LGSN: variants seen among roughly 807,000 people sequenced by gnomAD.
LGSN encodes lengsin, lens protein with glutamine synthetase domain.
LGSN carries 21 observed loss-of-function variants against 19.5 expected under a neutral mutation model. The ratio of observed to expected loss-of-function variants is 1.07; its 90% confidence interval spans 0.76 to 1.55. LGSN has a LOEUF of 1.55. Among genes scored for constraint, LGSN ranks in the 40% most tolerant of loss-of-function variants. The probability of loss-of-function intolerance (pLI) is 0.00; values close to 1 mark genes in which losing one functional copy is unlikely to be tolerated. For missense variants in LGSN, 673 were observed against 608.5 expected, an observed-to-expected ratio of 1.11 and a Z score of -1.12; for synonymous variants, 257 against 215.6, an observed-to-expected ratio of 1.19 and a Z score of -1.68.
At chr6:63,550,739 A>G in the LGSN span, among the ~76,000 whole-genome samples, 1 of 151,052 alleles carries the variant, frequency 6.6e-6, no homozygotes, top group Non-Finnish European at 1.5e-5. Context: ...ATTCTCCCAG[A>G]CCCAGCCTCT....
chr6:63,371,384 T>G, the LGSN span, among the ~76,000 whole-genome samples: 1 of 152,244 alleles, frequency 6.6e-6, no homozygotes, highest in Admixed American at 6.5e-5. Context: ...TGTAAACCAC[T>G]GAAAACGGCA....
At chr6:63,482,527 G>A in the LGSN span, among the ~76,000 whole-genome samples, 1 of 152,148 alleles carries the variant, frequency 6.6e-6, no homozygotes, top group African/African-American at 2.4e-5. Context: ...CCAAGAGTTT[G>A]AGATCAGCCT....
chr6:63,515,758 C>T, the LGSN span, among the ~76,000 whole-genome samples: 8 of 151,474 alleles, frequency 5.3e-5, no homozygotes, highest in Admixed American at 1.3e-4. Flanking sequence ...TAAACAAAAA[C>T]GAACCTAAGG....
chr6:63,453,029 A>G, the LGSN span, among the ~76,000 whole-genome samples: 1 of 152,106 alleles, frequency 6.6e-6, no homozygotes, highest in African/African-American at 2.4e-5. Context: ...AATTTTAACT[A>G]TGGTATCTTC....
the LGSN span, among the ~76,000 whole-genome samples, chr6:63,538,199 A>G: frequency 6.6e-6 from 1 of 152,206 alleles, no homozygotes; most frequent in Non-Finnish European, 1.5e-5. Context: ...TAGGGAAATG[A>G]CAGGTTGTTC....
the LGSN span, among the ~76,000 whole-genome samples, chr6:63,510,668 T>C: frequency 3.9e-4 from 17 of 43,566 alleles, no homozygotes; most frequent in African/African-American, 1.8e-3. Context: ...GAATTTTTTT[T>C]TTTTTTTTTT....
chr6:63,548,221 C>T, the LGSN span, among the ~76,000 whole-genome samples: 3 of 152,252 alleles, frequency 2.0e-5, no homozygotes, highest in Non-Finnish European at 4.4e-5. Context: ...TGTTATTTAT[C>T]TGTTATAATC....
chr6:63,473,231 G>A, the LGSN span, among the ~76,000 whole-genome samples: 2 of 151,886 alleles, frequency 1.3e-5, no homozygotes, highest in African/African-American at 2.4e-5. Context: ...CCAGCACTTT[G>A]GGAGACTGAG....
the LGSN span, among the ~76,000 whole-genome samples, chr6:63,404,074 T>C: frequency 6.6e-6 from 1 of 152,254 alleles, no homozygotes; most frequent in South Asian, 2.1e-4. Context: ...GAGGAATATA[T>C]TTCCCTGATG....
upstream of LGSN, among the ~76,000 whole-genome samples, chr6:63,321,820 A>G (rs60462419): frequency 5.0e-3 from 765 of 152,324 alleles, 2 homozygotes; most frequent in African/African-American, 0.017. Flanking sequence ...GCATTTGTTC[A>G]ATCTGTACTA....
the LGSN span, among the ~76,000 whole-genome samples, chr6:63,557,357 G>A: frequency 6.6e-6 from 1 of 152,186 alleles, no homozygotes; most frequent in African/African-American, 2.4e-5. Context: ...CCTGAGGTCA[G>A]GAGTTTGAGA....
intron 1 of LGSN, among the ~76,000 whole-genome samples, chr6:63,310,504 T>A (rs1562017955): frequency 6.6e-6 from 1 of 152,104 alleles, no homozygotes; most frequent in East Asian, 1.9e-4. Context: ...TTTTTATATA[T>A]ACAATATGAA....
the LGSN span, among the ~76,000 whole-genome samples, chr6:63,415,552 A>G: frequency 2.0e-5 from 3 of 152,212 alleles, no homozygotes; most frequent in Admixed American, 6.5e-5. Flanking sequence ...ACTCACTATC[A>G]TGAGAATGGC....
chr6:63,488,145 T>C, the LGSN span, among the ~76,000 whole-genome samples: 81,346 of 151,774 alleles, frequency 0.54, 23,622 homozygotes, highest in African/African-American at 0.77. Context: ...CTCACAATCA[T>C]AAATATCCCA....
chr6:63,288,915 A>G (rs1767658345), intron 2 of LGSN, among the ~76,000 whole-genome samples: 1 of 152,230 alleles, frequency 6.6e-6, no homozygotes, highest in African/African-American at 2.4e-5. Flanking sequence ...CAGCCACACT[A>G]TCAGGTACTG....
the LGSN span, among the ~76,000 whole-genome samples, chr6:63,485,467 G>A: frequency 1.3e-5 from 2 of 152,128 alleles, no homozygotes; most frequent in African/African-American, 4.8e-5. Context: ...TCATGTCTTT[G>A]CTATTGTGAA....
the LGSN span, among the ~76,000 whole-genome samples, chr6:63,456,061 C>T: frequency 6.6e-6 from 1 of 151,258 alleles, no homozygotes; most frequent in South Asian, 2.1e-4. Flanking sequence ...AACCCCGTCT[C>T]TACTAAAAAT....
chr6:63,365,313 A>G, the LGSN span, among the ~76,000 whole-genome samples: 2 of 152,204 alleles, frequency 1.3e-5, no homozygotes, highest in African/African-American at 4.8e-5. Context: ...AAACACCTCC[A>G]CGCAAATAAA....
chr6:63,433,769 C>T, the LGSN span, among the ~76,000 whole-genome samples: 1 of 152,152 alleles, frequency 6.6e-6, no homozygotes, highest in Non-Finnish European at 1.5e-5. Context: ...GTGTTGATGG[C>T]CATAGACGAA....
Sources: gnomAD v4.1 joint callset for allele counts (sites outside exome capture counted in the v4.1 genomes callset) on GRCh38, gnomAD v4.1.1 for gene constraint, MANE v1.5 for transcripts, NCBI Gene and HGNC (gene_info 2026-07-23, HGNC 2026-07-21) for gene names.